KPNA1: variants seen among roughly 807,000 people sequenced by gnomAD.
The protein encoded by KPNA1 is importin subunit alpha-5.
In KPNA1, 10 loss-of-function variants were observed where a neutral mutation model predicts 70.5. The ratio of observed to expected loss-of-function variants is 0.14; its 90% CI spans 0.09 to 0.24. The LOEUF is 0.24. Among genes scored for constraint, KPNA1 ranks in the 10% least tolerant of loss-of-function variants. The probability of loss-of-function intolerance (pLI) is 1.00; values close to 1 mark genes in which losing one functional copy is unlikely to be tolerated. For synonymous variants in KPNA1, 192 were observed against 221.9 expected (o/e 0.87, Z 1.20); for missense variants, 397 against 637.9 (o/e 0.62, Z 4.07).
rs896466226 is a variant in KPNA1 at position 122,423,569 on chromosome 3, AC to A, written c.*3415del. ...TTCACAAAACTAGCGAGAAAGAAAAACCCCTTGACTCCAGGAAAACCTTTTC... is the reference window on the plus strand; with the variant it reads ...TTCACAAAACTAGCGAGAAAGAAAAACCCTTGACTCCAGGAAAACCTTTTC... On this transcript the variant is annotated 3_prime_UTR_variant, in exon 14 of 14. Coordinates refer to ENST00000344337, the MANE Select transcript of KPNA1 (RefSeq NM_002264.4). 3 of 152,576 alleles carry A rather than the reference AC, an allele frequency of 2.0e-5. No homozygotes were observed. Among genetic ancestry groups the A allele is most frequent in the African/African-American group, 7.2e-5 (3 of 41,432 alleles). 9.5% of individuals were successfully genotyped at this position (152,576 alleles called of 1,614,324 possible). A position where few individuals can be genotyped will look rare whatever the true frequency, so the allele number is the denominator to read the frequency against.
At chr3:122,483,092 A>G (rs939303341) in intron 2 of KPNA1, 3 of 155,932 alleles carry the variant, frequency 1.9e-5, no homozygotes, top group African/African-American at 7.2e-5. Context: ...ACAGGAAACC[A>G]AAAAAGGCAG....
rs555341582 is a variant in KPNA1 at position 122,454,972 on chromosome 3, C to T, written c.433-971G>A. Among the ~76,000 whole-genome samples the T allele has an allele frequency of 3.9e-5, 6 of 152,272 alleles. No homozygotes were observed. The East Asian group carries it at 1.2e-3, about 29-fold the overall frequency. Reference sequence around the variant, plus strand: ...ACTCTTTTCTATTTAGTTAAGAGTTCTTAATTACATTTCAGGTTGTTTCTT... The same window carrying T: ...ACTCTTTTCTATTTAGTTAAGAGTTTTTAATTACATTTCAGGTTGTTTCTT... On this transcript the variant is annotated intron_variant, in intron 5 of 13. Transcript: ENST00000344337.
chr3:122,444,291 C>T (rs1051162750), intron 9 of KPNA1, among the ~76,000 whole-genome samples: 1 of 152,196 alleles, frequency 6.6e-6, no homozygotes, highest in African/African-American at 2.4e-5. Flanking sequence ...TTCAAACACA[C>T]CTTTCACAAA....
intron 5 of KPNA1, 115 bp downstream of exon 5, chr3:122,461,109 A>T: frequency 1.6e-6 from 1 of 610,124 alleles, no homozygotes. Flanking sequence ...CAGGAATATC[A>T]TTATAAACAA....
intron 2 of KPNA1, among the ~76,000 whole-genome samples, chr3:122,468,730 T>C (rs775320104): frequency 5.3e-5 from 8 of 152,020 alleles, no homozygotes; most frequent in Non-Finnish European, 8.8e-5. Context: ...CAAGAACAGA[T>C]AGGCAATGTA....
In KPNA1 at chr3:122,441,897, G is replaced by A. The variant is rs372975841; in HGVS notation, c.996+141C>T. ...ATTACAGGCGTGAGTGACCGCCCCC[G>A]GCCCAACATTTTTAAACATTAGTGT... On this transcript the variant is annotated intron_variant, in intron 10 of 13. Transcript: ENST00000344337. The A allele has an allele frequency of 1.2e-4, 86 of 738,710 alleles. 1 individual carries two copies. The highest frequency in any genetic ancestry group is 4.2e-4 in the African/African-American group (24 of 57,068). The allele number at this position is 738,710 out of a possible 1,614,324, so 45.8% of individuals were successfully genotyped here. A position where few individuals can be genotyped will look rare whatever the true frequency, so the allele number is the denominator to read the frequency against.
At chr3:122,444,948 A>C (rs1336625210) in intron 9 of KPNA1, among the ~76,000 whole-genome samples, 1 of 152,244 alleles carries the variant, frequency 6.6e-6, no homozygotes, top group Non-Finnish European at 1.5e-5. Context: ...GATGGGGAGA[A>C]ACCAGAGCAG....
intron 2 of KPNA1, among the ~76,000 whole-genome samples, chr3:122,472,393 A>T (rs1576319664): frequency 2.6e-5 from 4 of 152,306 alleles, no homozygotes; most frequent in Middle Eastern, 3.4e-3. Context: ...GAGCTAAATG[A>T]AAATGAAGAC....
chr3:122,455,264 T>G (rs140620877), intron 5 of KPNA1, among the ~76,000 whole-genome samples: 1 of 152,272 alleles, frequency 6.6e-6, no homozygotes, highest in Admixed American at 6.5e-5. Flanking sequence ...AGAAGACACA[T>G]AACCAATGGA....
chr3:122,425,703 G>A lies in KPNA1; in HGVS notation c.*1282C>T, dbSNP rs957992699. 5 of 152,608 alleles carry A rather than the reference G, an allele frequency of 3.3e-5. No homozygotes were observed. The highest frequency in any genetic ancestry group is 1.2e-4 in the African/African-American group (5 of 41,418). 9.5% of individuals were successfully genotyped at this position (152,608 alleles called of 1,614,324 possible). ...TTAAATGAGCCAGAAGGCAGATACT[G>A]TTTTTATTTTGTGTGGGGGGAGGGG... On this transcript the variant is annotated 3_prime_UTR_variant, in exon 14 of 14. Coordinates refer to ENST00000344337, the MANE Select transcript of KPNA1 (RefSeq NM_002264.4).
chr3:122,470,336 C>A (rs1232386737), intron 2 of KPNA1, among the ~76,000 whole-genome samples: 1 of 151,930 alleles, frequency 6.6e-6, no homozygotes, highest in Non-Finnish European at 1.5e-5. Flanking sequence ...CACAGTGCAA[C>A]CCCATCTCTA....
At chr3:122,494,194 T>TA (rs1483252241) in intron 2 of KPNA1, among the ~76,000 whole-genome samples, 5 of 152,234 alleles carry the variant, frequency 3.3e-5, no homozygotes, top group Non-Finnish European at 5.9e-5. Context: ...TTTGAGGACT[T>TA]ACTCATAAAT....
intron 9 of KPNA1, chr3:122,443,231 G>A (rs537283135): frequency 6.6e-6 from 1 of 152,558 alleles, no homozygotes; most frequent in African/African-American, 2.4e-5. Flanking sequence ...CGACCTGCAA[G>A]GCTGCAGCCT....
Position 122,452,043 on chromosome 3 carries a change from T to C in KPNA1, c.586A>G (p.Ile196Val), listed in dbSNP as rs2076207693. Residue 196 changes from isoleucine to valine, a missense_variant, in exon 7 of 14, where the codon ATT becomes GTT. Coordinates refer to ENST00000344337, the MANE Select transcript of KPNA1 (RefSeq NM_002264.4). Reference sequence around the variant, plus strand: ...CTGCACATGGTACTATCTCCAGCAATGTTGCCAAGAGCCCAGACTGCCTGT... The same window carrying C: ...CTGCACATGGTACTATCTCCAGCAACGTTGCCAAGAGCCCAGACTGCCTGT... ...QEQAVWALGN[I>V]AGDSTMCRDY... is the part of the protein sequence containing the mutation. 1 of 1,611,698 alleles carries C rather than the reference T, an allele frequency of 6.2e-7. No individual in the cohort carries two copies. The highest frequency in any genetic ancestry group is 2.2e-5 in the East Asian group (1 of 44,848).
chr3:122,482,384 C>A (rs778241415), intron 2 of KPNA1, among the ~76,000 whole-genome samples: 2 of 152,168 alleles, frequency 1.3e-5, no homozygotes, highest in Non-Finnish European at 2.9e-5. Flanking sequence ...ATATGAAAAA[C>A]CTGTCATTAA....
At chr3:122,448,275 T>C (rs1358828191) in intron 9 of KPNA1, among the ~76,000 whole-genome samples, 1 of 152,184 alleles carries the variant, frequency 6.6e-6, no homozygotes, top group African/African-American at 2.4e-5. Context: ...TTATAAATCA[T>C]GCTACTACAA....
chr3:122,461,042 G>C (rs576452460), intron 5 of KPNA1, among the ~76,000 whole-genome samples, 182 bp downstream of exon 5: 5 of 152,012 alleles, frequency 3.3e-5, no homozygotes, highest in Non-Finnish European at 7.4e-5. Flanking sequence ...ATAATAAAGA[G>C]TATAACGAAG....
chr3:122,422,962 A>G lies in KPNA1; in HGVS notation c.*4023T>C, dbSNP rs979669952. The G allele has an allele frequency of 1.3e-5, 2 of 152,224 alleles. No homozygotes were observed. Among genetic ancestry groups the G allele is most frequent in the African/African-American group, 2.4e-5 (1 of 41,458 alleles). 9.4% of individuals were successfully genotyped at this position (152,224 alleles called of 1,614,324 possible). A position where few individuals can be genotyped will look rare whatever the true frequency, so the allele number is the denominator to read the frequency against. The stretch of plus-strand genomic sequence containing the variant: ...GTATTTTATGTCCAGTAGCAATTTG[A>G]TATTTTAAATTAGCATATAAATATT... On this transcript the variant is annotated 3_prime_UTR_variant, in exon 14 of 14. Coordinates refer to ENST00000344337, the MANE Select transcript of KPNA1 (RefSeq NM_002264.4).
chr3:122,501,257 C>T (rs1165975979), intron 1 of KPNA1, among the ~76,000 whole-genome samples: 1 of 151,952 alleles, frequency 6.6e-6, no homozygotes. Flanking sequence ...AACTCCTGAC[C>T]TCAAGTGATC....
Sources: gnomAD v4.1 joint callset for allele counts (sites outside exome capture counted in the v4.1 genomes callset) on GRCh38, gnomAD v4.1.1 for gene constraint, MANE v1.5 for transcripts, NCBI Gene and HGNC (gene_info 2026-07-23, HGNC 2026-07-21) for gene names.